Variants in EIPR1 observed in about 807,000 individuals in gnomAD.
EIPR1 encodes EARP and GARP complex-interacting protein 1.
A neutral mutation model predicts 48.1 loss-of-function variants in EIPR1; 25 were observed. The ratio of observed to expected loss-of-function variants is 0.52; its 90% CI spans 0.38 to 0.73. The LOEUF is 0.73. EIPR1 is among the 30% of genes least tolerant of loss of function. EIPR1 has a pLI of 0.00. For missense variants in EIPR1, 415 were observed against 506.2 expected (o/e 0.82, Z 1.73); for synonymous variants, 204 against 201.9 (o/e 1.01, Z -0.09).
At chr2:3,316,931 C>G (rs1669320693) in intron 3 of EIPR1, among the ~76,000 whole-genome samples, 1 of 152,270 alleles carries the variant, frequency 6.6e-6, no homozygotes, top group African/African-American at 2.4e-5. Flanking sequence ...GTCAGACGCA[C>G]AGAAATAGTG....
chr2:3,303,402 C>G (rs1668817290), intron 3 of EIPR1, among the ~76,000 whole-genome samples: 1 of 152,218 alleles, frequency 6.6e-6, no homozygotes, highest in South Asian at 2.1e-4. Context: ...AGCTCTGCTG[C>G]TGCCTTAGGC....
chr2:3,189,630 C>T lies in EIPR1; in HGVS notation c.990-122G>A. 2 of 945,638 alleles carry T rather than the reference C, an allele frequency of 2.1e-6. No homozygotes were observed. Among genetic ancestry groups the T allele is most frequent in the Non-Finnish European group, 2.9e-6 (2 of 678,906 alleles). 58.6% of individuals were successfully genotyped at this position (945,638 alleles called of 1,614,324 possible). ...GGAGGTACTGGGGCCTCAGCTTTCTCCGCTGTGGGATGGGAAGAATTAGAG... is the reference window on the plus strand; with the variant it reads ...GGAGGTACTGGGGCCTCAGCTTTCTTCGCTGTGGGATGGGAAGAATTAGAG... On this transcript the variant is annotated intron_variant, in intron 8 of 8. Coordinates refer to ENST00000382125, the MANE Select transcript of EIPR1 (RefSeq NM_003310.5). This position sits in a 1 kb window ranked among gnomAD's most constrained non-coding sequence, Gnocchi z 4.6.
rs949732554 is a variant in EIPR1 at position 3,234,905 on chromosome 2, G to T, written c.417-20657C>A. On this transcript the variant is annotated intron_variant, in intron 4 of 8. Coordinates refer to ENST00000382125, the MANE Select transcript of EIPR1 (RefSeq NM_003310.5). ...ACACTCCAGAGAGTTTAGCTAACCA[G>T]CTGGTCCCGGGCCTGTGGCCACATC... is the stretch of plus-strand genomic sequence containing the variant. Among the ~76,000 whole-genome samples, 4 of 152,344 alleles carry T rather than the reference G, an allele frequency of 2.6e-5. No homozygotes were observed. In the South Asian group the frequency reaches 6.2e-4, roughly 24 times the overall value.
chr2:3,192,723 G>A (rs1175477339), intron 7 of EIPR1, 142 bp from the exon 8 acceptor site: 2 of 764,528 alleles, frequency 2.6e-6, no homozygotes, highest in East Asian at 2.9e-5. Flanking sequence ...CACAGGGCCT[G>A]ACATAAGGCA....
chr2:3,255,458 C>T (rs1047052235), intron 4 of EIPR1, among the ~76,000 whole-genome samples: 1 of 152,232 alleles, frequency 6.6e-6, no homozygotes, highest in South Asian at 2.1e-4. Flanking sequence ...GCTGGGATTA[C>T]AGGTGTGAGC....
intron 3 of EIPR1, among the ~76,000 whole-genome samples, chr2:3,268,885 C>T: frequency 6.6e-6 from 1 of 152,178 alleles, no homozygotes; most frequent in East Asian, 1.9e-4. Context: ...ACATATGATA[C>T]AAAGCCTACC....
At chr2:3,278,796 C>T (rs1334931971) in intron 3 of EIPR1, among the ~76,000 whole-genome samples, 1 of 152,090 alleles carries the variant, frequency 6.6e-6, no homozygotes, top group African/African-American at 2.4e-5. Flanking sequence ...GCCCCAGCAA[C>T]CCCATAACTG....
intron 3 of EIPR1, among the ~76,000 whole-genome samples, chr2:3,307,600 C>T (rs548342003): frequency 2.5e-4 from 38 of 152,308 alleles, no homozygotes; most frequent in Non-Finnish European, 4.9e-4. Flanking sequence ...AGCCCGGGCA[C>T]GGAAAGACGG....
At chr2:3,314,764 C>A (rs576153378) in intron 3 of EIPR1, among the ~76,000 whole-genome samples, 2 of 152,044 alleles carry the variant, frequency 1.3e-5, no homozygotes, top group Non-Finnish European at 2.9e-5. Flanking sequence ...CTCCCCCAGC[C>A]TCCAGCTAGC....
At chr2:3,251,589 C>G (rs1667001854) in intron 4 of EIPR1, among the ~76,000 whole-genome samples, 1 of 152,146 alleles carries the variant, frequency 6.6e-6, no homozygotes, top group African/African-American at 2.4e-5. Flanking sequence ...CCTAGGTCTG[C>G]TGCCTTGAAG....
At chr2:3,277,594 G>C (rs577219974) in intron 3 of EIPR1, among the ~76,000 whole-genome samples, 1 of 152,288 alleles carries the variant, frequency 6.6e-6, no homozygotes, top group African/African-American at 2.4e-5. Flanking sequence ...ACTACTCCCC[G>C]GGGTGTTCAT....
intron 4 of EIPR1, among the ~76,000 whole-genome samples, chr2:3,236,223 G>C (rs138046646): frequency 1.6e-4 from 25 of 152,282 alleles, no homozygotes; most frequent in African/African-American, 5.5e-4. Context: ...TATCCACCAA[G>C]AATATGTGGG....
At position 3,220,383 on chromosome 2, in the gene EIPR1, C is replaced by T. The variant is rs1051871540; in HGVS notation, c.417-6135G>A. Among the ~76,000 whole-genome samples the T allele has an allele frequency of 7.3e-5, 11 of 151,324 alleles. No homozygotes were observed. The South Asian group carries it at 1.0e-3, about 14-fold the overall frequency. ...TACAGCATTTATAGAGTCAAGTGCA[C>T]GTGCACACAATGGCTGTAGTACATT... is the stretch of plus-strand genomic sequence containing the variant. On this transcript the variant is annotated intron_variant, in intron 4 of 8. Transcript: ENST00000382125.
chr2:3,349,076 G>A (rs1670490931), intron 2 of EIPR1, among the ~76,000 whole-genome samples: 1 of 152,236 alleles, frequency 6.6e-6, no homozygotes, highest in Non-Finnish European at 1.5e-5. Context: ...CCCTTTCCAC[G>A]TGTGTCTGTA....
At chr2:3,295,631 CA>C (rs1171818772) in intron 3 of EIPR1, among the ~76,000 whole-genome samples, 1 of 118,158 alleles carries the variant, frequency 8.5e-6, no homozygotes. Flanking sequence ...ATCCTCTCTA[CA>C]TACACACACC....
chr2:3,192,270 G>A (rs1664630801), intron 8 of EIPR1, 144 bp downstream of exon 8: 3 of 1,014,802 alleles, frequency 3.0e-6, no homozygotes, highest in South Asian at 4.4e-5. Context: ...GGAACTGTGA[G>A]TCCCCACAGC....
chr2:3,277,669 T>C (rs1388851548), intron 3 of EIPR1, among the ~76,000 whole-genome samples: 5 of 152,214 alleles, frequency 3.3e-5, no homozygotes, highest in African/African-American at 1.2e-4. Flanking sequence ...CACCTGCTAC[T>C]CTAAGGAGCC....
chr2:3,322,122 T>A (rs1669548641), intron 3 of EIPR1, among the ~76,000 whole-genome samples: 1 of 152,172 alleles, frequency 6.6e-6, no homozygotes, highest in South Asian at 2.1e-4. Flanking sequence ...TGAAATCCGC[T>A]CTTCCCAGCG....
At chr2:3,246,744 GGA>G (rs1233155981) in intron 4 of EIPR1, among the ~76,000 whole-genome samples, 16 of 148,410 alleles carry the variant, frequency 1.1e-4, no homozygotes, top group African/African-American at 3.7e-4. Context: ...GCCATGGGAG[GGA>G]GAGAGGAAGA....
Sources: allele counts gnomAD v4.1 joint callset (sites outside exome capture counted in the v4.1 genomes callset), GRCh38; gene constraint gnomAD v4.1.1; non-coding constraint Gnocchi (gnomAD v3.1); transcripts MANE v1.5; gene names NCBI Gene and HGNC (gene_info 2026-07-23, HGNC 2026-07-21).